PLAC1: variants seen among roughly 807,000 people sequenced by gnomAD.
The protein encoded by PLAC1 is placenta-specific protein 1.
For synonymous variants in PLAC1, 68 were observed against 62.1 expected, an observed-to-expected ratio of 1.09 and a Z score of -0.44; for missense variants, 136 against 163.2, an observed-to-expected ratio of 0.83 and a Z score of 0.91.
intron 2 of PLAC1, among the ~76,000 whole-genome samples, chrX:134,571,951 G>C (rs1227323821): frequency 9.0e-6 from 1 of 111,647 alleles, no homozygotes; most frequent in East Asian, 2.8e-4. Flanking sequence ...CAGTATACTC[G>C]TGACAGCATA....
intron 2 of PLAC1, among the ~76,000 whole-genome samples, chrX:134,586,184 C>T (rs942068121): frequency 2.7e-5 from 3 of 111,698 alleles, no homozygotes; most frequent in African/African-American, 9.8e-5. Context: ...AGAAGACCAA[C>T]AACTGGCATT....
At chrX:134,605,449 T>C (rs1285158193) in intron 1 of PLAC1, 1 of 111,987 alleles carries the variant, frequency 8.9e-6, no homozygotes, top group African/African-American at 3.2e-5. Context: ...TATTTGCCCA[T>C]GGGGAAAGGA....
chrX:134,570,880 A>G (rs1173096083), intron 2 of PLAC1, among the ~76,000 whole-genome samples: 1 of 112,376 alleles, frequency 8.9e-6, no homozygotes, highest in Non-Finnish European at 1.9e-5. Flanking sequence ...ATAAGCCTTA[A>G]TAAATTTTCT....
intron 1 of PLAC1, among the ~76,000 whole-genome samples, chrX:134,759,928 G>A (rs755236029): frequency 9.0e-6 from 1 of 111,198 alleles, no homozygotes; most frequent in African/African-American, 3.3e-5. Flanking sequence ...TGAATCGGGG[G>A]TAGGGAGGAG....
Position 134,734,062 on chromosome X carries a change from C to T in PLAC1, n.90-543G>A, listed in dbSNP as rs751456279. 3.8e-4 allele frequency among the ~76,000 whole-genome samples: 42 copies of T among 111,717 alleles called. No individual in the cohort carries two copies. In the Admixed American group the frequency reaches 4.0e-3, roughly 11 times the overall value. ...GATGAAACACAGTAAACCAGGACAACTGTGCCTGATATCCCACAAGTAAAA... is the reference window on the plus strand; with the variant it reads ...GATGAAACACAGTAAACCAGGACAATTGTGCCTGATATCCCACAAGTAAAA... On this transcript the variant is annotated intron_variant and non_coding_transcript_variant, in intron 1 of 2. Transcript: ENST00000466797.
chrX:134,620,031 G>A (rs1160554743), intron 1 of PLAC1, among the ~76,000 whole-genome samples: 1 of 112,125 alleles, frequency 8.9e-6, no homozygotes, highest in Non-Finnish European at 1.9e-5. Flanking sequence ...TTACTGGATG[G>A]GGACTAGACT....
chrX:134,585,221 C>A (rs1298426555), intron 2 of PLAC1, among the ~76,000 whole-genome samples: 1 of 104,842 alleles, frequency 9.5e-6, no homozygotes, highest in Non-Finnish European at 2.0e-5. Context: ...TGGCACGCGC[C>A]TGTAGCCCCA....
At chrX:134,752,130 G>T (rs2078746264) in intron 1 of PLAC1, among the ~76,000 whole-genome samples, 1 of 112,284 alleles carries the variant, frequency 8.9e-6, no homozygotes, top group African/African-American at 3.2e-5. Context: ...ACATGGGATG[G>T]CTCTGGCTAA....
In PLAC1 at chrX:134,739,085, G is replaced by A. The variant is rs545647369; in HGVS notation, n.90-5566C>T. On this transcript the variant is annotated intron_variant and non_coding_transcript_variant, in intron 1 of 2. Transcript: ENST00000466797. Reference sequence around the variant, plus strand: ...TTATCGACAAGAGATGTTTCATATCGTGCTGTTAAAGACAAACATGATTTT... The same window carrying A: ...TTATCGACAAGAGATGTTTCATATCATGCTGTTAAAGACAAACATGATTTT... Among the ~76,000 whole-genome samples the A allele has an allele frequency of 3.1e-4, 35 of 111,961 alleles. No individual in the cohort carries two copies. In the South Asian group the frequency reaches 0.011, roughly 36 times the overall value.
intron 2 of PLAC1, among the ~76,000 whole-genome samples, chrX:134,671,262 CA>C (rs978400199): frequency 9.0e-6 from 1 of 110,709 alleles, no homozygotes; most frequent in Admixed American, 9.6e-5. Flanking sequence ...TAATTTGGTC[CA>C]AAAAAATCAA....
At chrX:134,689,929 T>C (rs2078530697) in intron 2 of PLAC1, among the ~76,000 whole-genome samples, 1 of 112,358 alleles carries the variant, frequency 8.9e-6, no homozygotes, top group Admixed American at 9.4e-5. Context: ...ATTTGGTACA[T>C]CACAATGTTG....
chrX:134,718,860 T>G (rs760102371), intron 2 of PLAC1, among the ~76,000 whole-genome samples: 5 of 112,075 alleles, frequency 4.5e-5, no homozygotes, highest in African/African-American at 6.5e-5. Flanking sequence ...TCCTTTTCCA[T>G]GCTCACCTCC....
rs1556199017 is a variant in PLAC1 at position 134,750,812 on chromosome X, A to AT, written n.89+13421_89+13422insA. On this transcript the variant is annotated intron_variant and non_coding_transcript_variant, in intron 1 of 2. Transcript: ENST00000466797. The stretch of plus-strand genomic sequence containing the variant: ...TCTCTAATAAAAATACAAAAAAAAA[A>AT]ATATATATATATATATATATATTTA... 1.8e-3 allele frequency among the ~76,000 whole-genome samples: 93 copies of AT among 51,969 alleles called. 12 individuals are homozygous for AT. The highest frequency in any genetic ancestry group is 4.8e-3 in the African/African-American group (37 of 7,648). The allele number at this position is 51,969 out of a possible 115,157, so 45.1% of individuals were successfully genotyped here. A position where few individuals can be genotyped will look rare whatever the true frequency, so the allele number is the denominator to read the frequency against.
intron 2 of PLAC1, among the ~76,000 whole-genome samples, chrX:134,692,814 C>G (rs939168158): frequency 9.0e-6 from 1 of 111,366 alleles, no homozygotes; most frequent in Non-Finnish European, 1.9e-5. Flanking sequence ...CTCTCTCCCC[C>G]CACACGCACA....
At chrX:134,585,753 G>A (rs190985495) in intron 2 of PLAC1, among the ~76,000 whole-genome samples, 11 of 111,030 alleles carry the variant, frequency 9.9e-5, no homozygotes, top group Admixed American at 2.9e-4. Flanking sequence ...AGAATTTAAA[G>A]TTGGACTTCT....
At chrX:134,628,948 T>A (rs892902400) in intron 1 of PLAC1, among the ~76,000 whole-genome samples, 4 of 112,181 alleles carry the variant, frequency 3.6e-5, no homozygotes, top group African/African-American at 1.3e-4. Flanking sequence ...ACCCCCATAC[T>A]GGGGCTGGGC....
intron 1 of PLAC1, among the ~76,000 whole-genome samples, chrX:134,744,618 G>A (rs1456929736): frequency 8.9e-6 from 1 of 111,944 alleles, no homozygotes; most frequent in Non-Finnish European, 1.9e-5. Context: ...TTTGTCCATC[G>A]GAATAACGTC....
intron 1 of PLAC1, among the ~76,000 whole-genome samples, chrX:134,657,414 A>C (rs1318259364): frequency 8.9e-6 from 1 of 112,221 alleles, no homozygotes; most frequent in Non-Finnish European, 1.9e-5. Context: ...ACAGAAGATC[A>C]GAGAGGATAA....
intron 2 of PLAC1, among the ~76,000 whole-genome samples, chrX:134,704,631 TATATTTATATATTATATA>T (rs1342155389): frequency 2.8e-5 from 3 of 105,897 alleles, no homozygotes; most frequent in Non-Finnish European, 3.8e-5. Context: ...TACTTTAATA[TATATTTATATATTATATA>T]ATATTTATAT....
Sources: gnomAD v4.1 joint callset for allele counts (sites outside exome capture counted in the v4.1 genomes callset) on GRCh38, gnomAD v4.1.1 for gene constraint, MANE v1.5 for transcripts, NCBI Gene and HGNC (gene_info 2026-07-23, HGNC 2026-07-21) for gene names.